The following AGO3 variants were observed in gnomAD, a reference collection of about 807,000 sequenced individuals.
AGO3 encodes protein argonaute-3.
A neutral mutation model predicts 105.5 loss-of-function variants in AGO3; 16 were observed. The ratio of observed to expected loss-of-function variants is 0.15; its 90% CI spans 0.10 to 0.23. The LOEUF (loss-of-function observed/expected upper bound fraction) is 0.23. AGO3 is among the 10% of genes least tolerant of loss of function. The pLI is 1.00. For missense variants in AGO3, 534 were observed against 1,088.0 expected, an observed-to-expected ratio of 0.49 and a Z score of 7.16; for synonymous variants, 340 against 367.3, an observed-to-expected ratio of 0.93 and a Z score of 0.85.
rs780274571 is a variant in AGO3, at chr1:35,972,055, G to A, written c.344G>A (p.Gly115Asp). 1 of 1,613,978 alleles carries A rather than the reference G, an allele frequency of 6.2e-7. No individual in the cohort carries two copies. The highest frequency in any genetic ancestry group is 8.5e-7 in the Non-Finnish European group (1 of 1,180,010). Residue 115 changes from glycine to aspartate, a missense_variant, in exon 4 of 19, where the codon GGT (glycine) becomes GAT (aspartate). Gly to Asp is a moderately conservative substitution (Grantham distance 94). Coordinates refer to ENST00000373191, the MANE Select transcript of AGO3 (RefSeq NM_024852.4). ...TTAGACGTTACTTTACCTGGGGAAG[G>A]TGGAAAAGATCGACCTTTCAAGGTG... is the stretch of plus-strand genomic sequence containing the variant. ...VDLDVTLPGE[G>D]GKDRPFKVSI...
chr1:35,964,970 T>G (rs1217722474), intron 2 of AGO3, among the ~76,000 whole-genome samples: 1 of 151,318 alleles, frequency 6.6e-6, no homozygotes, highest in Non-Finnish European at 1.5e-5. Flanking sequence ...GTTAATGGGT[T>G]TTTTTTTTCT....
intron 5 of AGO3, among the ~76,000 whole-genome samples, chr1:35,980,266 A>G (rs1443070034): frequency 6.6e-6 from 1 of 152,204 alleles, no homozygotes; most frequent in Non-Finnish European, 1.5e-5. Context: ...CATGTTGCTT[A>G]AGTTTTTACT....
intron 5 of AGO3, among the ~76,000 whole-genome samples, chr1:35,998,501 T>C (rs1409953373): frequency 6.6e-6 from 1 of 150,488 alleles, no homozygotes; most frequent in Non-Finnish European, 1.5e-5. Flanking sequence ...CCTAAGTGAC[T>C]TTATCAGTTT....
chr1:36,017,356 G>A (rs1000801330), intron 11 of AGO3, among the ~76,000 whole-genome samples: 11 of 152,110 alleles, frequency 7.2e-5, no homozygotes, highest in South Asian at 6.2e-4. Flanking sequence ...AATCCCCTAC[G>A]ACTGAATCTG....
At chr1:35,986,241 A>G (rs1647173240) in intron 5 of AGO3, among the ~76,000 whole-genome samples, 1 of 152,252 alleles carries the variant, frequency 6.6e-6, no homozygotes. Flanking sequence ...TGTGCTTGAA[A>G]CATTATATGT....
At chr1:35,939,985 A>G (rs1646223603) in intron 1 of AGO3, among the ~76,000 whole-genome samples, 1 of 152,220 alleles carries the variant, frequency 6.6e-6, no homozygotes, top group African/African-American at 2.4e-5. Flanking sequence ...CAGCAAAATA[A>G]TAATCACTTA....
intron 1 of AGO3, among the ~76,000 whole-genome samples, chr1:35,941,806 A>G (rs1646260788): frequency 6.6e-6 from 1 of 152,210 alleles, no homozygotes; most frequent in Admixed American, 6.5e-5. Flanking sequence ...GAGCCTGGGC[A>G]ACATGGTGAA....
intron 1 of AGO3, among the ~76,000 whole-genome samples, chr1:35,933,936 T>A (rs938528546): frequency 1.3e-5 from 2 of 152,156 alleles, no homozygotes; most frequent in East Asian, 3.8e-4. Flanking sequence ...TATGAAATAT[T>A]TTAAATGCTT....
intron 11 of AGO3, among the ~76,000 whole-genome samples, chr1:36,021,257 G>T (rs1040482857): frequency 7.9e-5 from 12 of 152,046 alleles, no homozygotes; most frequent in Admixed American, 6.6e-4. Flanking sequence ...AGCAGAAACC[G>T]CAATTACTTT....
intron 16 of AGO3, 145 bp downstream of exon 16, chr1:36,040,586 A>G: frequency 1.4e-6 from 1 of 694,696 alleles, no homozygotes; most frequent in East Asian, 3.0e-5. Flanking sequence ...GTATAGAAGC[A>G]TCAAAATAGA....
chr1:36,026,626 G>A (rs1238865820), intron 11 of AGO3, among the ~76,000 whole-genome samples: 1 of 152,142 alleles, frequency 6.6e-6, no homozygotes, highest in East Asian at 1.9e-4. Flanking sequence ...TATGAATCTT[G>A]TGAGATCAAA....
chr1:35,948,853 T>G (rs1646417209), intron 2 of AGO3, among the ~76,000 whole-genome samples: 1 of 152,078 alleles, frequency 6.6e-6, no homozygotes, highest in Non-Finnish European at 1.5e-5. Context: ...AATTTAAATG[T>G]TTCCAAGTGG....
chr1:36,021,550 A>T (rs532380189), intron 11 of AGO3, among the ~76,000 whole-genome samples: 1 of 152,298 alleles, frequency 6.6e-6, no homozygotes, highest in South Asian at 2.1e-4. Flanking sequence ...ATGTAATTTT[A>T]CGTATAAAAT....
At position 36,055,707 on chromosome 1, in the gene AGO3, A is replaced by G; in HGVS notation, c.2545A>G (p.Ile849Val). 1 of 1,614,226 alleles carries G rather than the reference A, an allele frequency of 6.2e-7. No individual in the cohort carries two copies. The change falls in exon 19 of 19, where the codon ATT becomes GTT. Residue 849 changes from isoleucine to valine, a missense_variant. Around this residue, in one of 2 missense-constraint regions of AGO3, gnomAD observed 373 missense variants for 854.0 expected, o/e 0.44. Coordinates refer to ENST00000373191, the MANE Select transcript of AGO3 (RefSeq NM_024852.4). This position sits in a 1 kb window ranked among gnomAD's most constrained non-coding sequence, Gnocchi z 4.4. Reference sequence around the variant, plus strand: ...ACAAGCTCTTGCCAAGGCTGTACAGATTCACCAAGATACCTTACGCACAAT... The same window carrying G: ...ACAAGCTCTTGCCAAGGCTGTACAGGTTCACCAAGATACCTTACGCACAAT... ...DPQALAKAVQIHQDTLRTMYF... is the reference protein window; with the variant it reads ...DPQALAKAVQVHQDTLRTMYF...
chr1:35,943,437 G>A (rs1249326877), intron 1 of AGO3, among the ~76,000 whole-genome samples: 1 of 150,964 alleles, frequency 6.6e-6, no homozygotes, highest in African/African-American at 2.4e-5. Context: ...AGGTATCTGG[G>A]ATTACAGGTG....
intron 13 of AGO3, among the ~76,000 whole-genome samples, chr1:36,035,617 G>T (rs1479800314): frequency 6.6e-6 from 1 of 152,102 alleles, no homozygotes; most frequent in Non-Finnish European, 1.5e-5. Flanking sequence ...ATAAAAATTT[G>T]TGGATCATAA....
chr1:36,059,189 A>G lies in AGO3; in HGVS notation c.*3444A>G, dbSNP rs909486476. 1.3e-5 allele frequency: 2 copies of G among 152,144 alleles called. No individual in the cohort carries two copies. The highest frequency in any genetic ancestry group is 6.6e-5 in the Admixed American group (1 of 15,258). The allele number at this position is 152,144 out of a possible 1,614,324, so 9.4% of individuals were successfully genotyped here. ...TTAGAGTGCTCTTACACTAGTCAGC[A>G]TTGCTAGTTTAAAGTTGATTAACTT... On this transcript the variant is annotated 3_prime_UTR_variant, in exon 19 of 19. Coordinates refer to ENST00000373191, the MANE Select transcript of AGO3 (RefSeq NM_024852.4).
At chr1:36,038,289 CTG>C (rs1233770067) in intron 14 of AGO3, among the ~76,000 whole-genome samples, 1 of 132,584 alleles carries the variant, frequency 7.5e-6, no homozygotes, top group Admixed American at 9.0e-5. Flanking sequence ...GAGCCTCGCT[CTG>C]TAGCTCACGC....
At position 35,931,430 on chromosome 1, in the gene AGO3, G is replaced by T; in HGVS notation, c.4G>T (p.Glu2Ter). M[E>*]IGSAGPAGAQ... is the part of the protein sequence containing the mutation. ...AGCACTCCCCCCAGCTCCATGAATGGAAATCGGCTCCGCAGGTGAGTCAGA... is the reference window on the plus strand; with the variant it reads ...AGCACTCCCCCCAGCTCCATGAATGTAAATCGGCTCCGCAGGTGAGTCAGA... Residue 2 changes from glutamate (E) to a stop codon, truncating the protein, a stop_gained, in exon 1 of 19, where the codon GAA (glutamate) becomes TAA (stop). Transcript: ENST00000373191. LOFTEE classifies it high-confidence loss of function. 6.6e-7 allele frequency: 1 copy of T among 1,516,702 alleles called. No individual in the cohort carries two copies. The highest frequency in any genetic ancestry group is 8.8e-7 in the Non-Finnish European group (1 of 1,131,650). The allele number at this position is 1,516,702 out of a possible 1,614,324, so 94.0% of individuals were successfully genotyped here.
Sources: gnomAD v4.1 joint callset for allele counts (sites outside exome capture counted in the v4.1 genomes callset) on GRCh38, gnomAD v4.1.1 for gene constraint, gnomAD v4.1.1 regional missense constraint, Gnocchi (gnomAD v3.1) non-coding constraint, MANE v1.5 for transcripts, NCBI Gene and HGNC (gene_info 2026-07-23, HGNC 2026-07-21) for gene names.